RBM26: variants seen among roughly 807,000 people sequenced by gnomAD.
RBM26 encodes RNA binding motif protein 26.
A neutral mutation model predicts 123.6 loss-of-function variants in RBM26; 30 were observed. The ratio of observed to expected loss-of-function variants is 0.24; its 90% CI spans 0.18 to 0.33. The LOEUF is 0.33. Among genes scored for constraint, RBM26 ranks in the 10% least tolerant of loss-of-function variants. The probability of loss-of-function intolerance (pLI) is 1.00; values close to 1 mark genes in which losing one functional copy is unlikely to be tolerated. For synonymous variants in RBM26, 400 were observed against 404.4 expected (o/e 0.99, Z 0.13); for missense variants, 947 against 1,203.6 (o/e 0.79, Z 3.15).
chr13:79,402,097 GTTT>G (rs965013562), intron 1 of RBM26, among the ~76,000 whole-genome samples: 1 of 148,636 alleles, frequency 6.7e-6, no homozygotes, highest in Non-Finnish European at 1.5e-5. Context: ...AGTGTTTTCT[GTTT>G]TTTTTGTTTG....
chr13:79,404,340 CT>C (rs2140622421), intron 1 of RBM26, among the ~76,000 whole-genome samples: 1 of 152,246 alleles, frequency 6.6e-6, no homozygotes, highest in South Asian at 2.1e-4. Context: ...TTGGATCTGC[CT>C]GTCTCCACCA....
intron 18 of RBM26, among the ~76,000 whole-genome samples, chr13:79,337,536 T>C (rs2070654387): frequency 6.6e-6 from 1 of 152,180 alleles, no homozygotes; most frequent in African/African-American, 2.4e-5. Context: ...AAATGTGCCT[T>C]TTTCTAAGTT....
chr13:79,382,349 CT>C (rs1168626040), intron 1 of RBM26, among the ~76,000 whole-genome samples: 1 of 152,104 alleles, frequency 6.6e-6, no homozygotes, highest in Non-Finnish European at 1.5e-5. Flanking sequence ...CAGAGCTAGA[CT>C]TTTCTTTACC....
chr13:79,347,750 T>C (rs1229966278), intron 14 of RBM26, among the ~76,000 whole-genome samples: 1 of 152,120 alleles, frequency 6.6e-6, no homozygotes, highest in East Asian at 1.9e-4. Flanking sequence ...CCAATCTTTA[T>C]ATGGTTTATT....
At chr13:79,329,841 G>A (rs2069018666) in intron 20 of RBM26, among the ~76,000 whole-genome samples, 1 of 152,138 alleles carries the variant, frequency 6.6e-6, no homozygotes, top group African/African-American at 2.4e-5. Context: ...AGGTGTGATA[G>A]TAGTACTGTA....
intron 1 of RBM26, 27 bp downstream of exon 1, chr13:79,405,677 G>T: frequency 6.5e-7 from 1 of 1,537,402 alleles, no homozygotes; most frequent in Non-Finnish European, 8.9e-7. Context: ...TGCCATCCCT[G>T]CAAAGAGATA....
chr13:79,337,515 T>C (rs2070651891), intron 18 of RBM26, among the ~76,000 whole-genome samples: 1 of 152,200 alleles, frequency 6.6e-6, no homozygotes, highest in African/African-American at 2.4e-5. Flanking sequence ...CACTGAGGTC[T>C]TGGAATTACT....
chr13:79,339,927 G>A (rs150518103), intron 18 of RBM26, among the ~76,000 whole-genome samples: 2 of 152,100 alleles, frequency 1.3e-5, no homozygotes, highest in African/African-American at 4.8e-5. Context: ...AAAACTAAAC[G>A]TAAGCCGTGA....
intron 11 of RBM26, among the ~76,000 whole-genome samples, chr13:79,357,441 T>C (rs2074156921): frequency 6.6e-6 from 1 of 151,928 alleles, no homozygotes; most frequent in Non-Finnish European, 1.5e-5. Flanking sequence ...TATCACATAA[T>C]ATAAACTCAA....
At chr13:79,344,474 T>C in intron 15 of RBM26, 152 bp from the exon 16 acceptor site, 1 of 827,682 alleles carries the variant, frequency 1.2e-6, no homozygotes, top group South Asian at 1.7e-5. Flanking sequence ...TATGCAAGTT[T>C]CAAAGATTAA....
rs772334498 is a variant in RBM26 at position 79,366,074 on chromosome 13, T to C, written c.1257A>G (p.Pro419=). 2 of 1,613,812 alleles carry C rather than the reference T, an allele frequency of 1.2e-6. No homozygotes were observed. Among genetic ancestry groups the C allele is most frequent in the Non-Finnish European group, 1.7e-6 (2 of 1,179,902 alleles). ...CTGCACCTGCAGTAAAAAGAGAGGG[T>C]GGAGCAGGAGGAGGCTGGTGATGAA... ...TGIHHQPPPA[P]PSLFTADTYD... is the part of the protein sequence containing the mutation. The change falls in exon 8 of 22, where the codon CCA becomes CCG. Residue 419 remains proline (P), a synonymous_variant. Coordinates refer to ENST00000438737, the MANE Select transcript of RBM26 (RefSeq NM_001366735.2).
downstream of RBM26, chr13:79,314,243 A>G (rs1317631043): frequency 6.6e-6 from 1 of 151,730 alleles, no homozygotes; most frequent in Non-Finnish European, 1.5e-5. Context: ...TCTTGCTTTA[A>G]AGGTCGTCTT....
At chr13:79,359,534 C>A in intron 10 of RBM26, 41 bp downstream of exon 10, 2 of 896,120 alleles carry the variant, frequency 2.2e-6, no homozygotes, top group South Asian at 2.9e-5. Flanking sequence ...TCCTGAAAAT[C>A]AATGCACAAT....
At chr13:79,375,297 C>G (rs376324072) in intron 3 of RBM26, among the ~76,000 whole-genome samples, 12 of 150,142 alleles carry the variant, frequency 8.0e-5, no homozygotes, top group African/African-American at 1.2e-4. Context: ...CTCAGCTTCT[C>G]GAGTAACTGG....
chr13:79,339,282 T>C (rs1427070485), intron 18 of RBM26, among the ~76,000 whole-genome samples: 1 of 152,122 alleles, frequency 6.6e-6, no homozygotes, highest in Non-Finnish European at 1.5e-5. Flanking sequence ...TGGAGAGATG[T>C]TGGTCAAAGT....
chr13:79,370,108 G>A (rs1333613853), intron 5 of RBM26, among the ~76,000 whole-genome samples: 3 of 152,090 alleles, frequency 2.0e-5, no homozygotes, highest in African/African-American at 2.4e-5. Flanking sequence ...TCAGGAATTC[G>A]AGACCAGTCT....
downstream of RBM26, among the ~76,000 whole-genome samples, chr13:79,318,030 C>G (rs2067305200): frequency 6.6e-6 from 1 of 151,402 alleles, no homozygotes; most frequent in Non-Finnish European, 1.5e-5. Flanking sequence ...GTGGGGAAGA[C>G]AGACATAAAC....
At chr13:79,347,628 T>C (rs1284683258) in intron 14 of RBM26, among the ~76,000 whole-genome samples, 1 of 152,060 alleles carries the variant, frequency 6.6e-6, no homozygotes, top group African/African-American at 2.4e-5. Flanking sequence ...GCTATAATTT[T>C]TACATATTTA....
intron 3 of RBM26, among the ~76,000 whole-genome samples, chr13:79,372,856 A>ATAAATATTTT (rs1258836721): frequency 0.011 from 952 of 87,248 alleles, 243 homozygotes; most frequent in African/African-American, 0.038. Flanking sequence ...ATATTATATA[A>ATAAATATTTT]ATATAAATAT....
Sources: allele counts gnomAD v4.1 joint callset (sites outside exome capture counted in the v4.1 genomes callset), GRCh38; gene constraint gnomAD v4.1.1; transcripts MANE v1.5; gene names NCBI Gene and HGNC (gene_info 2026-07-23, HGNC 2026-07-21).